Variants in EARS2 observed in about 807,000 individuals in gnomAD.
EARS2 encodes nondiscriminating glutamyl-tRNA synthetase EARS2, mitochondrial.
Under a neutral mutation model 54.1 loss-of-function variants are expected in EARS2, and 50 were observed. That is an observed-to-expected ratio of 0.92 (90% confidence interval 0.74 to 1.17). The LOEUF (loss-of-function observed/expected upper bound fraction) is 1.17. EARS2 is among the 50% of genes most tolerant of loss of function. EARS2 has a pLI of 0.00. For missense variants in EARS2, 673 were observed against 675.0 expected (o/e 1.00, Z 0.03); for synonymous variants, 298 against 281.0 (o/e 1.06, Z -0.61).
Position 23,535,114 on chromosome 16 carries a change from C to T in EARS2, c.732G>A (p.Val244=). The change falls in exon 4 of 9, where the codon GTG becomes GTA. Residue 244 remains valine (V), a synonymous_variant. Transcript: ENST00000449606. The stretch of plus-strand genomic sequence containing the variant: ...AGACGAGCCACTCAGAGCCTCGCAG[C>T]ACGTGGCTGATGCCCATGTGGTGGT... ...VDDHHMGISH[V]LRGSEWLVST... is the part of the protein sequence containing the mutation. 6.2e-7 allele frequency: 1 copy of T among 1,611,534 alleles called. No individual in the cohort carries two copies. The highest frequency in any genetic ancestry group is 8.5e-7 in the Non-Finnish European group (1 of 1,179,186).
intron 1 of EARS2, among the ~76,000 whole-genome samples, chr16:23,555,698 T>C (rs1376086202): frequency 2.6e-5 from 4 of 152,242 alleles, no homozygotes; most frequent in Non-Finnish European, 4.4e-5. Flanking sequence ...AAACTTTTGT[T>C]GTTGTTTTGA....
chr16:23,541,527 C>T (rs1965511664), intron 3 of EARS2, among the ~76,000 whole-genome samples: 1 of 152,022 alleles, frequency 6.6e-6, no homozygotes, highest in African/African-American at 2.4e-5. Flanking sequence ...TTGCATGCTA[C>T]CATGTGAATA....
intron 2 of EARS2, 108 bp downstream of exon 2, chr16:23,552,041 C>T: frequency 7.1e-7 from 1 of 1,413,412 alleles, no homozygotes; most frequent in Non-Finnish European, 9.6e-7. Context: ...AGCCACTTCT[C>T]CAGGAACTCC....
rs887418959 is a variant in EARS2 at position 23,525,391 on chromosome 16, G to A, written c.1353-12C>T. ...ATCTTTCTAGAAGCCTAGAAGAAGA[G>A]GGCCAGTTTACAGGGCCTGCATGGG... is the stretch of plus-strand genomic sequence containing the variant. On this transcript the variant is annotated splice_polypyrimidine_tract_variant and intron_variant, in intron 7 of 8. Coordinates refer to ENST00000449606, the MANE Select transcript of EARS2 (RefSeq NM_001083614.2). 2.5e-6 allele frequency: 4 copies of A among 1,609,562 alleles called. No individual in the cohort carries two copies. In the African/African-American group the frequency reaches 5.4e-5, roughly 22 times the overall value.
rs552543197 is a variant in EARS2, at chr16:23,544,842, G to A, written c.296-139C>T. ...TTGGCATTAGTACAATGTCCTCCCC[G>A]CCGCCTTTTTTTTTGAGGCAGAGTC... On this transcript the variant is annotated intron_variant, in intron 2 of 8. Coordinates refer to ENST00000449606, the MANE Select transcript of EARS2 (RefSeq NM_001083614.2). The A allele has an allele frequency of 2.1e-4, 170 of 796,378 alleles. 1 individual carries two copies. In the South Asian group the frequency reaches 2.9e-3, roughly 14 times the overall value. The allele number at this position is 796,378 out of a possible 1,614,324, so 49.3% of individuals were successfully genotyped here. A position where few individuals can be genotyped will look rare whatever the true frequency, so the allele number is the denominator to read the frequency against.
intron 5 of EARS2, among the ~76,000 whole-genome samples, chr16:23,530,377 A>G (rs1221015097): frequency 6.6e-6 from 1 of 152,164 alleles, no homozygotes; most frequent in Non-Finnish European, 1.5e-5. Context: ...GGGCTCCCAA[A>G]GTGCCAGGAT....
Position 23,546,588 on chromosome 16 carries a change from C to A in EARS2, c.296-1885G>T, listed in dbSNP as rs571546674. Among the ~76,000 whole-genome samples, 80 of 152,342 alleles carry A rather than the reference C, an allele frequency of 5.3e-4. No individual in the cohort carries two copies. In the South Asian group the frequency reaches 0.016, roughly 31 times the overall value. On this transcript the variant is annotated intron_variant, in intron 2 of 8. Coordinates refer to ENST00000449606, the MANE Select transcript of EARS2 (RefSeq NM_001083614.2). ...TTTATTTATTTGAGACAGGGTCTCA[C>A]TCTGTTGCCCAGGTTGGAGTGCAGT...
chr16:23,536,349 A>C (rs1965417570), intron 3 of EARS2, among the ~76,000 whole-genome samples: 1 of 152,176 alleles, frequency 6.6e-6, no homozygotes, highest in South Asian at 2.1e-4. Flanking sequence ...TCACGTCTGT[A>C]ATCCCAGTGT....
intron 3 of EARS2, among the ~76,000 whole-genome samples, chr16:23,542,605 C>G (rs1439622042): frequency 6.6e-6 from 1 of 151,984 alleles, no homozygotes. Flanking sequence ...TGAGCCACCA[C>G]GTCCGGCCTG....
At chr16:23,552,466 C>G (rs1965712909) in intron 1 of EARS2, among the ~76,000 whole-genome samples, 162 bp from the exon 2 acceptor site, 1 of 152,240 alleles carries the variant, frequency 6.6e-6, no homozygotes, top group Admixed American at 6.5e-5. Flanking sequence ...AGGCCAAGGC[C>G]GGGGGGATCA....
intron 2 of EARS2, 106 bp downstream of exon 2, chr16:23,552,043 A>G (rs781297940): frequency 4.9e-5 from 69 of 1,416,548 alleles, no homozygotes; most frequent in Non-Finnish European, 6.4e-5. Context: ...CCACTTCTCC[A>G]GGAACTCCCC....
Position 23,523,899 on chromosome 16 carries a change from A to C in EARS2, c.*472T>G, listed in dbSNP as rs1294664022. On this transcript the variant is annotated 3_prime_UTR_variant, in exon 9 of 9. Transcript: ENST00000449606. ...ACACAGTGAGAAGACAGCTGTCTGC[A>C]AGCCAACAAAAGAGGCCTCTAGGAA... is the stretch of plus-strand genomic sequence containing the variant. 1.9e-5 allele frequency: 3 copies of C among 157,736 alleles called. No individual in the cohort carries two copies. Among genetic ancestry groups the C allele is most frequent in the Admixed American group, 1.2e-4 (2 of 16,140 alleles). 9.8% of individuals were successfully genotyped at this position (157,736 alleles called of 1,614,324 possible). A position where few individuals can be genotyped will look rare whatever the true frequency, so the allele number is the denominator to read the frequency against.
rs980340214 is a variant in EARS2 at position 23,521,505 on chromosome 16, C to T, written c.*2866G>A. Among the ~76,000 whole-genome samples the T allele has an allele frequency of 1.5e-4, 23 of 151,756 alleles. No homozygotes were observed. The highest frequency in any genetic ancestry group is 5.6e-4 in the African/African-American group (23 of 41,294). On this transcript the variant is annotated 3_prime_UTR_variant, in exon 9 of 9. Coordinates refer to ENST00000449606, the MANE Select transcript of EARS2 (RefSeq NM_001083614.2). Reference sequence around the variant, plus strand: ...GCCTTAACGCCTCAGCTCAAGTGATCCTCCTACCTTAGTCTCCCAAGTAGC... The same window carrying T: ...GCCTTAACGCCTCAGCTCAAGTGATTCTCCTACCTTAGTCTCCCAAGTAGC...
chr16:23,534,844 T>C (rs752019143), intron 4 of EARS2, 44 bp downstream of exon 4: 24 of 1,492,764 alleles, frequency 1.6e-5, no homozygotes, highest in Non-Finnish European at 2.0e-5. Context: ...CTGCTCCTCC[T>C]GGCCATGCTC....
intron 2 of EARS2, among the ~76,000 whole-genome samples, chr16:23,548,204 A>T (rs1965636257): frequency 6.6e-6 from 1 of 151,522 alleles, no homozygotes; most frequent in Admixed American, 6.6e-5. Context: ...ACTGCACTCC[A>T]GCCTGGGCGA....
chr16:23,550,680 A>G (rs12708650), intron 2 of EARS2: 127,430 of 152,142 alleles, frequency 0.84, 53,497 homozygotes, highest in Middle Eastern at 0.9. Flanking sequence ...CTCGTGATGC[A>G]CCAGCCTCGG....
intron 1 of EARS2, among the ~76,000 whole-genome samples, chr16:23,556,332 C>T (rs551519900): frequency 1.7e-3 from 252 of 152,288 alleles, no homozygotes; most frequent in African/African-American, 5.8e-3. Context: ...TTGGTACCTG[C>T]GATTTCCTCT....
intron 1 of EARS2, among the ~76,000 whole-genome samples, chr16:23,553,287 C>T (rs981454207): frequency 6.6e-6 from 1 of 152,086 alleles, no homozygotes; most frequent in Non-Finnish European, 1.5e-5. Flanking sequence ...CCAATTTTCC[C>T]CAACTGCATC....
chr16:23,525,240 T>C lies in EARS2; in HGVS notation c.1488+4A>G. On this transcript the variant is annotated splice_donor_region_variant and intron_variant, in intron 8 of 8. Coordinates refer to ENST00000449606, the MANE Select transcript of EARS2 (RefSeq NM_001083614.2). ...GAACAATCCAACCCGTGTCCCTGCC[T>C]CACCTGCTGTCCACTGAGGGCCATC... 6.2e-7 allele frequency: 1 copy of C among 1,614,190 alleles called. No individual in the cohort carries two copies. Among genetic ancestry groups the C allele is most frequent in the Admixed American group, 1.7e-5 (1 of 60,012 alleles).
Sources: allele counts gnomAD v4.1 joint callset (sites outside exome capture counted in the v4.1 genomes callset), GRCh38; gene constraint gnomAD v4.1.1; transcripts MANE v1.5; gene names NCBI Gene and HGNC (gene_info 2026-07-23, HGNC 2026-07-21).